The following NTM variants were observed in gnomAD, a reference collection of about 807,000 sequenced individuals.
NTM encodes the protein neurotrimin, also known as IgLON family member 2.
Under a neutral mutation model 42.1 loss-of-function variants are expected in NTM, and 13 were observed. The observed-to-expected ratio is 0.31, with a 90% CI of 0.20 to 0.49. NTM has a LOEUF of 0.49. Among genes scored for constraint, NTM ranks in the 20% least tolerant of loss-of-function variants. The pLI, the probability that NTM is intolerant of heterozygous loss-of-function variation, is 0.99. For missense variants in NTM, 373 were observed against 452.8 expected (o/e 0.82, Z 1.60); for synonymous variants, 187 against 179.2 (o/e 1.04, Z -0.35).
At chr11:132,217,622 G>A (rs546072072) in intron 4 of NTM, among the ~76,000 whole-genome samples, 13 of 152,040 alleles carry the variant, frequency 8.6e-5, no homozygotes, top group Non-Finnish European at 1.2e-4. Flanking sequence ...TTTACCTAAC[G>A]TGAAGTGGGT....
At chr11:131,442,276 C>T (rs1347741055) in intron 1 of NTM, among the ~76,000 whole-genome samples, 1 of 152,132 alleles carries the variant, frequency 6.6e-6, no homozygotes, top group African/African-American at 2.4e-5. Context: ...CTGAGACTCA[C>T]ATTTTATTAT....
chr11:132,330,959 C>T (rs1393523013), intron 8 of NTM, among the ~76,000 whole-genome samples: 1 of 152,210 alleles, frequency 6.6e-6, no homozygotes, highest in Non-Finnish European at 1.5e-5. Flanking sequence ...GGTCCACGCC[C>T]ACCTGGACCT....
chr11:131,570,141 A>G (rs527273611), intron 1 of NTM, among the ~76,000 whole-genome samples: 1 of 152,320 alleles, frequency 6.6e-6, no homozygotes, highest in African/African-American at 2.4e-5. Flanking sequence ...CTGTGCTCCC[A>G]TAACTGAAAA....
At chr11:131,415,881 T>C (rs1019828775) in intron 1 of NTM, among the ~76,000 whole-genome samples, 7 of 152,206 alleles carry the variant, frequency 4.6e-5, no homozygotes, top group Non-Finnish European at 4.4e-5. Context: ...TTTATGTGTT[T>C]ATTTTGGTAG....
chr11:131,669,263 C>A (rs933770415), intron 1 of NTM, among the ~76,000 whole-genome samples: 1 of 152,062 alleles, frequency 6.6e-6, no homozygotes, highest in Non-Finnish European at 1.5e-5. Context: ...GAGATCAAAA[C>A]CATGGAGGAA....
chr11:131,832,346 A>G (rs2136553176), intron 1 of NTM, among the ~76,000 whole-genome samples: 1 of 152,288 alleles, frequency 6.6e-6, no homozygotes, highest in East Asian at 1.9e-4. Context: ...TGTTTGGCAA[A>G]GCAATCATTA....
At chr11:131,997,459 G>A (rs965070553) in intron 2 of NTM, among the ~76,000 whole-genome samples, 9 of 152,142 alleles carry the variant, frequency 5.9e-5, no homozygotes, top group African/African-American at 1.7e-4. Flanking sequence ...CTCAGTAATC[G>A]TGACTTGAAA....
At chr11:131,942,959 AAT>A (rs1555186456) in intron 2 of NTM, among the ~76,000 whole-genome samples, 51 of 88,108 alleles carry the variant, frequency 5.8e-4, no homozygotes, top group Admixed American at 2.5e-3. Context: ...AAAAAAAAAA[AAT>A]GCGTAGAGTT....
chr11:131,534,473 A>G (rs116742760), intron 1 of NTM: 1 of 152,180 alleles, frequency 6.6e-6, no homozygotes, highest in Non-Finnish European at 1.5e-5. Context: ...CCTCCTCTTT[A>G]AGATGGGGGT....
intron 2 of NTM, among the ~76,000 whole-genome samples, chr11:132,070,873 C>T (rs555330906): frequency 1.4e-5 from 2 of 140,458 alleles, no homozygotes; most frequent in Admixed American, 7.0e-5. Context: ...TTAGTTAACA[C>T]GTCACTCAGC....
chr11:132,057,349 A>T (rs2079864438), intron 2 of NTM, among the ~76,000 whole-genome samples: 1 of 152,138 alleles, frequency 6.6e-6, no homozygotes, highest in Non-Finnish European at 1.5e-5. Context: ...TGTTTTAGCA[A>T]TGTGATGTGG....
intron 2 of NTM, among the ~76,000 whole-genome samples, chr11:132,115,157 G>T (rs1322112542): frequency 6.6e-6 from 1 of 152,162 alleles, no homozygotes; most frequent in African/African-American, 2.4e-5. Context: ...GAGTGGGAGA[G>T]AATGGGGAGA....
At chr11:132,039,533 T>G (rs2076928878) in intron 2 of NTM, among the ~76,000 whole-genome samples, 1 of 152,002 alleles carries the variant, frequency 6.6e-6, no homozygotes, top group Non-Finnish European at 1.5e-5. Context: ...GTCTGGATTC[T>G]TTTGCTTTCA....
chr11:131,873,587 C>CGTATATATATACATATATATATACG (rs2048063616), intron 1 of NTM, among the ~76,000 whole-genome samples: 2 of 26,816 alleles, frequency 7.5e-5, no homozygotes, highest in Admixed American at 5.0e-4. Context: ...ATATATATAC[C>CGTATATATATACATATATATATACG]GTATATATAT....
intron 1 of NTM, among the ~76,000 whole-genome samples, chr11:131,870,062 A>C (rs981556156): frequency 6.6e-6 from 1 of 152,230 alleles, no homozygotes; most frequent in Non-Finnish European, 1.5e-5. Context: ...CCTCACCTTC[A>C]GGAGGTGAAG....
chr11:131,886,258 C>G (rs11222829), intron 1 of NTM, among the ~76,000 whole-genome samples: 55,120 of 151,966 alleles, frequency 0.36, 10,535 homozygotes, highest in East Asian at 0.5. Flanking sequence ...TGAAAACCAC[C>G]AGCTTCTATT....
At position 132,108,821 on chromosome 11, in the gene NTM, G is replaced by A. The variant is rs188993364; in HGVS notation, c.168-37461G>A. Reference sequence around the variant, plus strand: ...CTGCACCCATCAACTCATCATCTACGTTAGATATTTCTCCTAATGCCATCC... The same window carrying A: ...CTGCACCCATCAACTCATCATCTACATTAGATATTTCTCCTAATGCCATCC... On this transcript the variant is annotated intron_variant, in intron 2 of 8. Transcript: ENST00000683400. Among the ~76,000 whole-genome samples the A allele has an allele frequency of 6.9e-4, 105 of 152,098 alleles. 1 individual carries two copies. Among genetic ancestry groups the A allele is most frequent in the Middle Eastern group, 3.4e-3 (1 of 294 alleles).
At chr11:131,454,018 G>A (rs921660439) in intron 1 of NTM, among the ~76,000 whole-genome samples, 12 of 152,146 alleles carry the variant, frequency 7.9e-5, no homozygotes, top group African/African-American at 2.2e-4. Flanking sequence ...CTCTAAGCAC[G>A]TTTATTTCCT....
intron 1 of NTM, among the ~76,000 whole-genome samples, chr11:131,811,830 G>A (rs1405088880): frequency 6.6e-6 from 1 of 152,202 alleles, no homozygotes; most frequent in Non-Finnish European, 1.5e-5. Flanking sequence ...TTAAAATACA[G>A]CTGCGGCAGC....
Sources: allele counts gnomAD v4.1 joint callset (sites outside exome capture counted in the v4.1 genomes callset), GRCh38; gene constraint gnomAD v4.1.1; transcripts MANE v1.5; gene names NCBI Gene and HGNC (gene_info 2026-07-23, HGNC 2026-07-21).